The following HEMK2 variants were observed in gnomAD, a reference collection of about 807,000 sequenced individuals.
The protein encoded by HEMK2 is methyltransferase HEMK2.
At chr21:28,803,092 G>GTACTCATCAGAATATAAAATTCAGAA in the HEMK2 span, among the ~76,000 whole-genome samples, 1 of 152,206 alleles carries the variant, frequency 6.6e-6, no homozygotes, top group African/African-American at 2.4e-5. Context: ...GCACACAACT[G>GTACTCATCAGAATATAAAATTCAGAA]TACTCATCAG....
the HEMK2 span, among the ~76,000 whole-genome samples, chr21:28,683,020 C>T: frequency 1.3e-5 from 2 of 151,494 alleles, no homozygotes; most frequent in East Asian, 1.9e-4. Context: ...ACGTTGTGCA[C>T]GTTGTGCACA....
At chr21:28,863,867 G>T in the HEMK2 span, among the ~76,000 whole-genome samples, 1 of 151,960 alleles carries the variant, frequency 6.6e-6, no homozygotes, top group Non-Finnish European at 1.5e-5. Flanking sequence ...TTGCTCTGTC[G>T]CCCAGGCCGG....
At chr21:28,588,086 CATTCAT>C in the HEMK2 span, among the ~76,000 whole-genome samples, 5 of 152,160 alleles carry the variant, frequency 3.3e-5, no homozygotes, top group African/African-American at 7.2e-5. Context: ...AATAGCTAAA[CATTCAT>C]AGATTTCAAA....
the HEMK2 span, among the ~76,000 whole-genome samples, chr21:28,629,184 T>A: frequency 6.6e-6 from 1 of 152,322 alleles, no homozygotes; most frequent in African/African-American, 2.4e-5. Flanking sequence ...GGCAGGTCTC[T>A]TCTCAAAGAC....
chr21:28,870,560 C>G, the HEMK2 span, among the ~76,000 whole-genome samples: 3 of 152,254 alleles, frequency 2.0e-5, no homozygotes, highest in Admixed American at 2.0e-4. Context: ...TACCACCACA[C>G]TCGCTAATTT....
At chr21:28,579,963 A>G in the HEMK2 span, among the ~76,000 whole-genome samples, 4 of 152,232 alleles carry the variant, frequency 2.6e-5, no homozygotes, top group East Asian at 7.7e-4. Context: ...CTGACAAAGC[A>G]TAAAAGAAGA....
At chr21:28,690,148 G>C in the HEMK2 span, among the ~76,000 whole-genome samples, 7 of 152,114 alleles carry the variant, frequency 4.6e-5, no homozygotes, top group Non-Finnish European at 8.8e-5. Flanking sequence ...ACTACCATGA[G>C]AACAGTATGA....
At chr21:28,658,299 G>A in the HEMK2 span, among the ~76,000 whole-genome samples, 1 of 152,014 alleles carries the variant, frequency 6.6e-6, no homozygotes, top group African/African-American at 2.4e-5. Flanking sequence ...TTTGGTTAGA[G>A]GCTACTTCAA....
chr21:28,744,383 A>T, the HEMK2 span, among the ~76,000 whole-genome samples: 1 of 152,250 alleles, frequency 6.6e-6, no homozygotes, highest in Non-Finnish European at 1.5e-5. Flanking sequence ...AGTTGAGTAA[A>T]ATAGAAAAGC....
chr21:28,665,334 C>CTTTTTTTTTTTTTTT, the HEMK2 span, among the ~76,000 whole-genome samples: 3 of 36,676 alleles, frequency 8.2e-5, no homozygotes, highest in Admixed American at 3.9e-4. Flanking sequence ...ATTTATATTT[C>CTTTTTTTTTTTTTTT]TTTTTTTTTT....
chr21:28,783,439 C>T, the HEMK2 span, among the ~76,000 whole-genome samples: 2 of 152,216 alleles, frequency 1.3e-5, no homozygotes, highest in East Asian at 1.9e-4. Context: ...CCCACCTCGG[C>T]CTCCCAAAGT....
chr21:28,836,244 T>C, the HEMK2 span, among the ~76,000 whole-genome samples: 1 of 152,134 alleles, frequency 6.6e-6, no homozygotes, highest in Non-Finnish European at 1.5e-5. Context: ...ACAGAAGCAC[T>C]AGGTAACCTA....
the HEMK2 span, among the ~76,000 whole-genome samples, chr21:28,759,777 C>T: frequency 3.7e-4 from 57 of 152,248 alleles, no homozygotes; most frequent in Non-Finnish European, 6.3e-4. Flanking sequence ...TTCATTCTCT[C>T]TTGTCTGCCA....
the HEMK2 span, among the ~76,000 whole-genome samples, chr21:28,860,874 GTTCTA>G: frequency 6.6e-6 from 1 of 152,160 alleles, no homozygotes; most frequent in Admixed American, 6.5e-5. Flanking sequence ...GTTAAAAAAG[GTTCTA>G]ATAGTTTATT....
chr21:28,798,501 A>G, the HEMK2 span, among the ~76,000 whole-genome samples: 1 of 145,118 alleles, frequency 6.9e-6, no homozygotes, highest in Non-Finnish European at 1.5e-5. Flanking sequence ...TGAATAAGTA[A>G]GCCTGTTTTT....
the HEMK2 span, among the ~76,000 whole-genome samples, chr21:28,579,584 T>C: frequency 2.0e-5 from 3 of 152,114 alleles, no homozygotes; most frequent in Non-Finnish European, 4.4e-5. Context: ...TTTAATGTTT[T>C]TATTAATTTG....
chr21:28,825,172 T>C, the HEMK2 span, among the ~76,000 whole-genome samples: 4,037 of 152,268 alleles, frequency 0.027, 181 homozygotes, highest in African/African-American at 0.092. Context: ...GCACAGTGCA[T>C]GACCCAGGGA....
chr21:28,838,512 C>T, the HEMK2 span, among the ~76,000 whole-genome samples: 40 of 150,168 alleles, frequency 2.7e-4, no homozygotes, highest in Non-Finnish European at 5.2e-4. Context: ...CCAGCCTGGG[C>T]GACAGAGTGA....
At chr21:28,693,603 G>A in the HEMK2 span, among the ~76,000 whole-genome samples, 102 of 152,218 alleles carry the variant, frequency 6.7e-4, no homozygotes, top group African/African-American at 2.4e-3. Context: ...TAAGCATGCC[G>A]CAGCCTGCCA....
Sources: allele counts gnomAD v4.1 joint callset (sites outside exome capture counted in the v4.1 genomes callset), GRCh38; gene constraint gnomAD v4.1.1; transcripts MANE v1.5; gene names NCBI Gene and HGNC (gene_info 2026-07-23, HGNC 2026-07-21).